Variants in FAM171B observed in about 807,000 individuals in gnomAD.
FAM171B encodes protein FAM171B.
In FAM171B, 19 loss-of-function variants were observed where a neutral mutation model predicts 75.6. The observed-to-expected ratio is 0.25, with a 90% CI of 0.18 to 0.37. The LOEUF (loss-of-function observed/expected upper bound fraction) is 0.37, where lower values mean the gene tolerates loss of function less well. FAM171B is among the 10% of genes least tolerant of loss of function. FAM171B has a pLI of 1.00. For missense variants in FAM171B, 848 were observed against 982.4 expected, an observed-to-expected ratio of 0.86 and a Z score of 1.83; for synonymous variants, 367 against 361.7, an observed-to-expected ratio of 1.01 and a Z score of -0.17.
At chr2:186,759,244 G>A (rs761134306) in intron 6 of FAM171B, among the ~76,000 whole-genome samples, 43 of 152,082 alleles carry the variant, frequency 2.8e-4, no homozygotes, top group Admixed American at 5.2e-4. Context: ...ATTGTGAACC[G>A]TGCTGCAATG....
At chr2:186,709,302 C>G (rs1689778664) in intron 1 of FAM171B, among the ~76,000 whole-genome samples, 2 of 152,156 alleles carry the variant, frequency 1.3e-5, no homozygotes, top group African/African-American at 4.8e-5. Flanking sequence ...ATCCAGTAGT[C>G]TCTAGAATTT....
At chr2:186,718,678 G>C (rs1181877468) in intron 1 of FAM171B, among the ~76,000 whole-genome samples, 1 of 152,136 alleles carries the variant, frequency 6.6e-6, no homozygotes, top group Non-Finnish European at 1.5e-5. Context: ...AGAAGGTGTT[G>C]AATAAATAGA....
At position 186,762,090 on chromosome 2, in the gene FAM171B, C is replaced by T. The variant is rs369639086; in HGVS notation, c.1748C>T (p.Thr583Met). 133 of 1,613,676 alleles carry T rather than the reference C, an allele frequency of 8.2e-5. No individual in the cohort carries two copies. The highest frequency in any genetic ancestry group is 1.1e-4 in the African/African-American group (8 of 74,980). ...GAACCAGTAAATCGAGAGAACTTTA[C>T]GCAGACCTTGCCCAAAATGCCAATT... ...LMEPVNRENFTQTLPKMPIHS... is the reference protein window; with the variant it reads ...LMEPVNRENFMQTLPKMPIHS... Residue 583 changes from threonine (T) to methionine (M), a missense_variant, in exon 8 of 8, where the codon ACG becomes ATG. By Grantham distance (81) the Thr-to-Met change is moderately conservative. Coordinates refer to ENST00000304698, the MANE Select transcript of FAM171B (RefSeq NM_177454.4). The surrounding 1 kb of genome is among the most constrained non-coding windows in gnomAD (Gnocchi z 4.0).
At chr2:186,698,274 C>T (rs1190821301) in intron 1 of FAM171B, among the ~76,000 whole-genome samples, 2 of 152,094 alleles carry the variant, frequency 1.3e-5, no homozygotes, top group African/African-American at 4.8e-5. Flanking sequence ...AATGTCTTTT[C>T]AGTACAGAGA....
chr2:186,748,048 A>G (rs1315863186), intron 4 of FAM171B, among the ~76,000 whole-genome samples: 6 of 151,962 alleles, frequency 3.9e-5, no homozygotes, highest in African/African-American at 1.5e-4. Flanking sequence ...TAAGCCTCCC[A>G]AGTAGCTGGG....
chr2:186,752,534 T>A (rs2105790373), intron 5 of FAM171B, among the ~76,000 whole-genome samples: 1 of 152,328 alleles, frequency 6.6e-6, no homozygotes, highest in Middle Eastern at 3.4e-3. Flanking sequence ...TTTAACTTAT[T>A]TGGGCCTCAA....
intron 1 of FAM171B, among the ~76,000 whole-genome samples, chr2:186,715,070 A>G (rs142658509): frequency 2.2e-4 from 34 of 152,354 alleles, no homozygotes; most frequent in Non-Finnish European, 4.4e-4. Context: ...AAATTATTCA[A>G]TAGTCAAATA....
At chr2:186,697,610 AG>A (rs1430920298) in intron 1 of FAM171B, among the ~76,000 whole-genome samples, 3 of 152,284 alleles carry the variant, frequency 2.0e-5, no homozygotes, top group African/African-American at 7.2e-5. Context: ...ACCTTTAAAT[AG>A]CTGTGATTGA....
In FAM171B at chr2:186,694,394, C is replaced by G. The variant is rs756192276; in HGVS notation, c.221C>G (p.Ser74Cys). 1 of 1,612,510 alleles carries G rather than the reference C, an allele frequency of 6.2e-7. No individual in the cohort carries two copies. The highest frequency in any genetic ancestry group is 1.1e-5 in the South Asian group (1 of 90,456). Reference sequence around the variant, plus strand: ...AGGACAGAGGTGCCTGGGGCAACCTCCACCTTGACGGTTCCAGGTAGGTCC... The same window carrying G: ...AGGACAGAGGTGCCTGGGGCAACCTGCACCTTGACGGTTCCAGGTAGGTCC... ...EERTEVPGAT[S>C]TLTVPVSVFM... The change falls in exon 1 of 8, where the codon TCC becomes TGC. Residue 74 changes from serine to cysteine, a missense_variant. Transcript: ENST00000304698.
At chr2:186,754,074 A>G (rs768025760) in intron 6 of FAM171B, 25 bp downstream of exon 6, 2 of 1,521,606 alleles carry the variant, frequency 1.3e-6, no homozygotes, top group Admixed American at 1.9e-5. Context: ...GAAAGTAATT[A>G]AAACATGTAA....
At chr2:186,746,246 T>C (rs1239163058) in intron 3 of FAM171B, among the ~76,000 whole-genome samples, 1 of 152,202 alleles carries the variant, frequency 6.6e-6, no homozygotes, top group Non-Finnish European at 1.5e-5. Flanking sequence ...TATTTATACT[T>C]AGGAAAAATT....
intron 2 of FAM171B, among the ~76,000 whole-genome samples, chr2:186,742,705 C>G (rs1399563551): frequency 2.6e-5 from 4 of 152,116 alleles, no homozygotes; most frequent in African/African-American, 9.7e-5. Flanking sequence ...TTTGGGAGCT[C>G]CTCAAAACTG....
chr2:186,743,048 G>A (rs1161579053), intron 2 of FAM171B, among the ~76,000 whole-genome samples: 3 of 152,052 alleles, frequency 2.0e-5, no homozygotes, highest in East Asian at 1.9e-4. Flanking sequence ...TATGTGGGAA[G>A]GTAAAAGTGA....
intron 1 of FAM171B, among the ~76,000 whole-genome samples, chr2:186,719,423 GT>G (rs1381841378): frequency 6.6e-6 from 1 of 152,200 alleles, no homozygotes; most frequent in Non-Finnish European, 1.5e-5. Flanking sequence ...AATTATGTGA[GT>G]TTACCAATGG....
chr2:186,747,274 A>G (rs1427798359), intron 4 of FAM171B, 24 bp downstream of exon 4: 3 of 1,497,580 alleles, frequency 2.0e-6, no homozygotes, highest in Non-Finnish European at 2.7e-6. Context: ...TTTGTATAAT[A>G]TAGTTATAAG....
Position 186,723,334 on chromosome 2 carries a change from A to G in FAM171B, c.239-16894A>G, listed in dbSNP as rs1008315190. ...GGAGGATGAACAATACTGTTAAAAG[A>G]TTCCCAACAAATGACTCTTTTAAAT... is the stretch of plus-strand genomic sequence containing the variant. On this transcript the variant is annotated intron_variant, in intron 1 of 7. Coordinates refer to ENST00000304698, the MANE Select transcript of FAM171B (RefSeq NM_177454.4). 9.2e-5 allele frequency among the ~76,000 whole-genome samples: 14 copies of G among 152,350 alleles called. No individual in the cohort carries two copies. In the East Asian group the frequency reaches 2.7e-3, roughly 29 times the overall value.
chr2:186,752,440 A>G (rs1574112480), intron 5 of FAM171B, among the ~76,000 whole-genome samples: 1 of 152,308 alleles, frequency 6.6e-6, no homozygotes, highest in South Asian at 2.1e-4. Context: ...TAACCACGGT[A>G]GTATGCTACT....
Position 186,751,220 on chromosome 2 carries a change from A to G in FAM171B, c.811A>G (p.Ile271Val), listed in dbSNP as rs371787365. 4.3e-6 allele frequency: 7 copies of G among 1,612,084 alleles called. No individual in the cohort carries two copies. The East Asian group carries it at 1.3e-4, about 31-fold the overall frequency. ...AAAAGAACTAAAGGTCAATGGCTCT[A>G]TTCAAGTTTCTCTTCCTCTTCTACG... is the stretch of plus-strand genomic sequence containing the variant. ...GGKELKVNGSIQVSLPLLRLN... is the reference protein window; with the variant it reads ...GGKELKVNGSVQVSLPLLRLN... The change falls in exon 5 of 8, where the codon ATT (isoleucine) becomes GTT (valine). Residue 271 changes from isoleucine to valine, a missense_variant. Ile to Val is a conservative substitution (Grantham distance 29). Around this residue, in one of 3 missense-constraint regions of FAM171B, gnomAD observed 665 missense variants for 729.0 expected, o/e 0.91. Transcript: ENST00000304698.
At chr2:186,701,721 G>A (rs1160365296) in intron 1 of FAM171B, among the ~76,000 whole-genome samples, 5 of 152,162 alleles carry the variant, frequency 3.3e-5, no homozygotes, top group African/African-American at 1.2e-4. Flanking sequence ...TTGATAACAG[G>A]TTGAAAAACA....
Sources: allele counts gnomAD v4.1 joint callset (sites outside exome capture counted in the v4.1 genomes callset), GRCh38; gene constraint gnomAD v4.1.1; regional missense constraint gnomAD v4.1.1; non-coding constraint Gnocchi (gnomAD v3.1); transcripts MANE v1.5; gene names NCBI Gene and HGNC (gene_info 2026-07-23, HGNC 2026-07-21).